Variants in UGT3A1 observed in about 807,000 individuals in gnomAD.
The protein encoded by UGT3A1 is UDP glycosyltransferase family 3 member A1.
A neutral mutation model predicts 37.6 loss-of-function variants in UGT3A1; 40 were observed. That is an observed-to-expected ratio of 1.06 (90% CI 0.83 to 1.38). The LOEUF is 1.38. UGT3A1 is among the 40% of genes most tolerant of loss of function. The pLI, the probability that UGT3A1 is intolerant of heterozygous loss-of-function variation, is 0.00. For synonymous variants in UGT3A1, 256 were observed against 232.3 expected (o/e 1.10, Z -0.93); for missense variants, 642 against 634.2 (o/e 1.01, Z -0.13).
intron 2 of UGT3A1, among the ~76,000 whole-genome samples, chr5:35,975,726 A>T (rs1561465931): frequency 6.6e-6 from 1 of 151,422 alleles, no homozygotes; most frequent in Non-Finnish European, 1.5e-5. Context: ...TTTAAGTTTT[A>T]GGTACATGTG....
intron 1 of UGT3A1, 123 bp from the exon 2 acceptor site, chr5:35,988,674 G>C (rs1740820758): frequency 2.8e-6 from 2 of 706,772 alleles, no homozygotes; most frequent in Non-Finnish European, 4.7e-6. Context: ...AATGTGAACA[G>C]TGAGAAGATG....
intron 2 of UGT3A1, among the ~76,000 whole-genome samples, chr5:35,980,821 A>G (rs1203607959): frequency 6.6e-6 from 1 of 152,218 alleles, no homozygotes; most frequent in Non-Finnish European, 1.5e-5. Context: ...TTTACCTTTT[A>G]TGACAGATAA....
Position 35,976,842 on chromosome 5 carries a change from T to A in UGT3A1, c.197-8709A>T, listed in dbSNP as rs998103348. 9.0e-4 allele frequency among the ~76,000 whole-genome samples: 29 copies of A among 32,264 alleles called. 1 individual carries two copies. The South Asian group carries it at 0.011, about 13-fold the overall frequency. 21.2% of individuals were successfully genotyped at this position (32,264 alleles called of 152,430 possible). A position where few individuals can be genotyped will look rare whatever the true frequency, so the allele number is the denominator to read the frequency against. The stretch of plus-strand genomic sequence containing the variant: ...GAACAAGTGCTTGCCTCAAAAATAA[T>A]ATGAAAGAAAAAAGAAGGAAAGAAG... On this transcript the variant is annotated intron_variant, in intron 2 of 6. Transcript: ENST00000274278.
intron 2 of UGT3A1, among the ~76,000 whole-genome samples, chr5:35,986,882 T>A (rs968943419): frequency 7.2e-5 from 11 of 152,146 alleles, no homozygotes; most frequent in African/African-American, 2.2e-4. Flanking sequence ...CATATCCCAA[T>A]TACACTGATT....
intron 4 of UGT3A1, among the ~76,000 whole-genome samples, chr5:35,959,022 G>A (rs1190936896): frequency 1.3e-5 from 2 of 152,204 alleles, no homozygotes; most frequent in Non-Finnish European, 2.9e-5. Context: ...ATGGACAGAA[G>A]AATATAATAG....
intron 1 of UGT3A1, among the ~76,000 whole-genome samples, chr5:35,998,829 C>T (rs1381927210): frequency 6.6e-6 from 1 of 152,138 alleles, no homozygotes. Flanking sequence ...AGCTTGTCAA[C>T]TGGCAAAAGA....
chr5:35,996,707 T>C (rs534622190), intron 2 of UGT3A1, among the ~76,000 whole-genome samples: 80 of 152,324 alleles, frequency 5.3e-4, no homozygotes, highest in African/African-American at 1.7e-3. Context: ...AAAACTGTCC[T>C]GACAATGTAC....
rs1387265814 is a variant in UGT3A1, at chr5:35,953,279, A to G, written c.*923T>C. On this transcript the variant is annotated 3_prime_UTR_variant, in exon 7 of 7. Transcript: ENST00000274278. ...TGATGACATGATGGAGCAACCAACC[A>G]CAACAGCCCTGAATGGGCTACCTTC... 2 of 152,404 alleles carry G rather than the reference A, an allele frequency of 1.3e-5. No homozygotes were observed. Among genetic ancestry groups the G allele is most frequent in the African/African-American group, 4.8e-5 (2 of 41,480 alleles). 9.4% of individuals were successfully genotyped at this position (152,404 alleles called of 1,614,324 possible).
At chr5:35,966,072 C>G (rs943565993) in intron 3 of UGT3A1, among the ~76,000 whole-genome samples, 155 bp from the exon 4 acceptor site, 1 of 152,236 alleles carries the variant, frequency 6.6e-6, no homozygotes, top group African/African-American at 2.4e-5. Context: ...ACTCTCAGCT[C>G]TGGTCACTCT....
chr5:35,960,514 G>T lies in UGT3A1; in HGVS notation c.844-3095C>A, dbSNP rs929565541. 2.0e-5 allele frequency among the ~76,000 whole-genome samples: 3 copies of T among 152,322 alleles called. No homozygotes were observed. In the South Asian group the frequency reaches 6.2e-4, roughly 32 times the overall value. Reference sequence around the variant, plus strand: ...GCTGCTCAAACTCCTTACAGAAGGGGGAGCATGCAGACGGGCAGGTGCATG... The same window carrying T: ...GCTGCTCAAACTCCTTACAGAAGGGTGAGCATGCAGACGGGCAGGTGCATG... On this transcript the variant is annotated intron_variant, in intron 4 of 6. Transcript: ENST00000274278.
Position 35,965,898 on chromosome 5 carries a change from C to G in UGT3A1, c.331G>C (p.Val111Leu). Residue 111 changes from valine (V) to leucine (L), a missense_variant, in exon 4 of 7, where the codon GTA becomes CTA. Val to Leu is a conservative substitution (Grantham distance 32). Coordinates refer to ENST00000274278, the MANE Select transcript of UGT3A1 (RefSeq NM_152404.4). ...GTCCCAAATATTTCCATTAGCTTTA[C>G]AAGGGCTTCAGATTCTTTTCTGTAA... ...LDGRKESEALVKLMEIFGTQC... is the reference protein window; with the variant it reads ...LDGRKESEALLKLMEIFGTQC... 2.6e-6 allele frequency: 4 copies of G among 1,562,218 alleles called. No individual in the cohort carries two copies. Among genetic ancestry groups the G allele is most frequent in the Non-Finnish European group, 3.5e-6 (4 of 1,159,216 alleles).
At position 35,955,850 on chromosome 5, in the gene UGT3A1, G is replaced by A. The variant is rs554821154; in HGVS notation, c.1090C>T (p.Arg364Cys). The part of the protein sequence containing the change: ...QSDLLAHPSI[R>C]LFVTHGGQNS... Reference sequence around the variant, plus strand: ...TGCCCACCATGAGTGACAAAAAGACGGATGCTGGGGTGAGCTGTGGCAAAT... The same window carrying A: ...TGCCCACCATGAGTGACAAAAAGACAGATGCTGGGGTGAGCTGTGGCAAAT... The change falls in exon 6 of 7, where the codon CGT becomes TGT. Residue 364 changes from arginine (R) to cysteine (C), a missense_variant. Physicochemically the swap from Arg to Cys is radical, Grantham distance 180. Coordinates refer to ENST00000274278, the MANE Select transcript of UGT3A1 (RefSeq NM_152404.4). 1.7e-5 allele frequency: 27 copies of A among 1,614,138 alleles called. No individual in the cohort carries two copies. The highest frequency in any genetic ancestry group is 1.6e-4 in the Middle Eastern group (1 of 6,062).
chr5:35,997,677 G>T (rs780435877), intron 1 of UGT3A1, among the ~76,000 whole-genome samples: 10 of 152,008 alleles, frequency 6.6e-5, no homozygotes, highest in Non-Finnish European at 1.3e-4. Context: ...CACCCACCTC[G>T]GCCTCCCAAA....
upstream of UGT3A1, among the ~76,000 whole-genome samples, chr5:35,995,158 C>G (rs1741066082): frequency 6.6e-6 from 1 of 152,142 alleles, no homozygotes; most frequent in Non-Finnish European, 1.5e-5. Context: ...GGCATCTCCC[C>G]TACCTCCACC....
chr5:35,967,300 C>T (rs543241830), intron 3 of UGT3A1, among the ~76,000 whole-genome samples: 3 of 152,306 alleles, frequency 2.0e-5, no homozygotes, highest in South Asian at 2.1e-4. Flanking sequence ...TAGATTTGAG[C>T]ACCACCTTGA....
At position 35,965,623 on chromosome 5, in the gene UGT3A1, C is replaced by A. The variant is rs746903275; in HGVS notation, c.606G>T (p.Lys202Asn). Reference protein sequence around the residue: ...TDHMDFWGRVKNFLMFFSFSR... With the variant: ...TDHMDFWGRVNNFLMFFSFSR... ...AGAAACTAAAGAACATCAGAAAATTCTTCACTCGGCCCCAGAAGTCCATGT... is the reference window on the plus strand; with the variant it reads ...AGAAACTAAAGAACATCAGAAAATTATTCACTCGGCCCCAGAAGTCCATGT... Residue 202 changes from lysine to asparagine, a missense_variant, in exon 4 of 7, where the codon AAG (lysine) becomes AAT (asparagine). By Grantham distance (94) the Lys-to-Asn change is moderately conservative. Transcript: ENST00000274278. 4 of 1,614,176 alleles carry A rather than the reference C, an allele frequency of 2.5e-6. No homozygotes were observed. Among genetic ancestry groups the A allele is most frequent in the East Asian group, 4.5e-5 (2 of 44,866 alleles).
At position 35,957,438 on chromosome 5, in the gene UGT3A1, AG is replaced by A. The variant is rs748494079; in HGVS notation, c.844-20del. 5.6e-6 allele frequency: 9 copies of A among 1,608,242 alleles called. No homozygotes were observed. The African/African-American group carries it at 9.4e-5, about 17-fold the overall frequency. On this transcript the variant is annotated intron_variant, in intron 4 of 6. Coordinates refer to ENST00000274278, the MANE Select transcript of UGT3A1 (RefSeq NM_152404.4). Reference sequence around the variant, plus strand: ...CCAAGTCCTAGAGAGAGATGACAAAAGAAAGGAGGTGGCAAAATTGAGAACG... The same window carrying A: ...CCAAGTCCTAGAGAGAGATGACAAAAAAAGGAGGTGGCAAAATTGAGAACG...
In UGT3A1 at chr5:35,955,796, C is replaced by T. The variant is rs762872593; in HGVS notation, c.1144G>A (p.Gly382Ser). 169 of 1,614,060 alleles carry T rather than the reference C, an allele frequency of 1.0e-4. 1 individual carries two copies. The highest frequency in any genetic ancestry group is 1.4e-4 in the Non-Finnish European group (165 of 1,180,054). The change falls in exon 6 of 7, where the codon GGT becomes AGT. Residue 382 changes from glycine to serine, a missense_variant. Physicochemically the swap from Gly to Ser is moderately conservative, Grantham distance 56. Transcript: ENST00000274278. ...ACTGGTAATCCCACCATGGGCACACCATGACGGATGGCCTCCATTACGCTG... is the reference window on the plus strand; with the variant it reads ...ACTGGTAATCCCACCATGGGCACACTATGACGGATGGCCTCCATTACGCTG... ...QNSVMEAIRH[G>S]VPMVGLPVNG...
chr5:35,955,112 G>A (rs902723849), intron 6 of UGT3A1: 4 of 163,846 alleles, frequency 2.4e-5, no homozygotes, highest in African/African-American at 9.6e-5. Context: ...TACAAATCTT[G>A]AAAAGTGTTA....
Sources: allele counts gnomAD v4.1 joint callset (sites outside exome capture counted in the v4.1 genomes callset), GRCh38; gene constraint gnomAD v4.1.1; transcripts MANE v1.5; gene names NCBI Gene and HGNC (gene_info 2026-07-23, HGNC 2026-07-21).